The following PHKA2 variants were observed in gnomAD, a reference collection of about 807,000 sequenced individuals.
PHKA2 encodes phosphorylase kinase regulatory subunit alpha 2.
A neutral mutation model predicts 102.0 loss-of-function variants in PHKA2; 31 were observed. The observed-to-expected ratio is 0.30, with a 90% CI of 0.23 to 0.41. The LOEUF (loss-of-function observed/expected upper bound fraction) is 0.41. PHKA2 is among the 10% of genes least tolerant of loss of function. The pLI, the probability that PHKA2 is intolerant of heterozygous loss-of-function variation, is 1.00. For synonymous variants in PHKA2, 455 were observed against 416.2 expected (o/e 1.09, Z -1.13); for missense variants, 858 against 1,023.1 (o/e 0.84, Z 2.20).
At chrX:18,910,362 C>G (rs2047901973) in intron 20 of PHKA2, among the ~76,000 whole-genome samples, 1 of 111,721 alleles carries the variant, frequency 9.0e-6, no homozygotes, top group Non-Finnish European at 1.9e-5. Context: ...CGCTGGTAGT[C>G]CCAACTATTT....
intron 10 of PHKA2, among the ~76,000 whole-genome samples, chrX:18,938,045 G>A (rs1346816691): frequency 2.7e-5 from 3 of 112,544 alleles, no homozygotes; most frequent in Non-Finnish European, 5.6e-5. Flanking sequence ...ACGCCTCCTA[G>A]TACTCATGCC....
intron 1 of PHKA2, among the ~76,000 whole-genome samples, chrX:18,976,317 A>G (rs946478580): frequency 8.9e-6 from 1 of 112,025 alleles, no homozygotes; most frequent in Non-Finnish European, 1.9e-5. Context: ...ATCAATCTCT[A>G]AATGTTCCTT....
At chrX:18,962,274 G>C (rs2048881613) in intron 1 of PHKA2, among the ~76,000 whole-genome samples, 1 of 111,259 alleles carries the variant, frequency 9.0e-6, no homozygotes, top group Non-Finnish European at 1.9e-5. Context: ...TGCGTGCATG[G>C]GCATGGAGGG....
intron 1 of PHKA2, among the ~76,000 whole-genome samples, chrX:18,977,260 T>A (rs1262867311): frequency 1.8e-5 from 2 of 111,871 alleles, no homozygotes; most frequent in African/African-American, 6.6e-5. Flanking sequence ...CAAAAAAAAA[T>A]GTGGCATGCA....
At chrX:18,900,791 G>C in intron 27 of PHKA2, 92 bp from the exon 28 acceptor site, 2 of 830,492 alleles carry the variant, frequency 2.4e-6, no homozygotes, top group Admixed American at 4.5e-5. Context: ...CCAGGGCCGT[G>C]TTGGTCAAAC....
intron 1 of PHKA2, among the ~76,000 whole-genome samples, chrX:18,971,304 T>G (rs1181214955): frequency 6.2e-5 from 7 of 112,432 alleles, no homozygotes; most frequent in Non-Finnish European, 9.4e-5. Flanking sequence ...TGCTTTACTT[T>G]CTCAGATTGC....
chrX:18,901,271 C>T (rs764164891), intron 27 of PHKA2, among the ~76,000 whole-genome samples: 2 of 110,996 alleles, frequency 1.8e-5, no homozygotes, highest in East Asian at 2.8e-4. Context: ...GAGAACATCA[C>T]GTTAAGGTTA....
At chrX:18,945,346 G>T (rs1278273284) in intron 5 of PHKA2, among the ~76,000 whole-genome samples, 188 bp from the exon 6 acceptor site, 1 of 111,679 alleles carries the variant, frequency 9.0e-6, no homozygotes, top group African/African-American at 3.3e-5. Flanking sequence ...AATTTTAGAA[G>T]AAAATATTCA....
At chrX:18,966,920 G>A (rs917377547) in intron 1 of PHKA2, among the ~76,000 whole-genome samples, 20 of 111,827 alleles carry the variant, frequency 1.8e-4, no homozygotes, top group Admixed American at 1.9e-4. Flanking sequence ...ACTGCAGGAG[G>A]AGGGACGGCG....
chrX:18,895,069 G>T, intron 31 of PHKA2, 69 bp downstream of exon 31: 1 of 991,905 alleles, frequency 1.0e-6, no homozygotes, highest in Non-Finnish European at 1.4e-6. Context: ...CAAGAGGTCA[G>T]AGTCCATGCA....
Position 18,953,581 on chromosome X carries a change from T to C in PHKA2, c.237+673A>G, listed in dbSNP as rs147955097. 4.8e-3 allele frequency among the ~76,000 whole-genome samples: 541 copies of C among 112,388 alleles called. 2 individuals are homozygous for C. The highest frequency in any genetic ancestry group is 7.8e-3 in the Non-Finnish European group (415 of 53,287). On this transcript the variant is annotated intron_variant, in intron 2 of 32. Coordinates refer to ENST00000379942, the MANE Select transcript of PHKA2 (RefSeq NM_000292.3). Reference sequence around the variant, plus strand: ...ATGTGAAGCTGTGGTGAGGTGACTTTTAAAAAACATATCAGTTTATGATGA... The same window carrying C: ...ATGTGAAGCTGTGGTGAGGTGACTTCTAAAAAACATATCAGTTTATGATGA...
chrX:18,980,729 C>T (rs1465543862), intron 1 of PHKA2, among the ~76,000 whole-genome samples: 7 of 111,608 alleles, frequency 6.3e-5, no homozygotes, highest in Non-Finnish European at 1.1e-4. Context: ...GTATGCTGAG[C>T]GCCGGTCTCC....
chrX:18,930,847 T>C (rs1279437419), intron 12 of PHKA2, among the ~76,000 whole-genome samples: 2 of 110,147 alleles, frequency 1.8e-5, no homozygotes, highest in Non-Finnish European at 3.8e-5. Flanking sequence ...GCTTCAACAC[T>C]CTAGGAACCC....
Position 18,892,406 on chromosome X carries a change from G to T in PHKA2, c.*1079C>A, listed in dbSNP as rs934521564. The T allele has an allele frequency of 6.2e-5, 7 of 112,722 alleles. No individual in the cohort carries two copies. The highest frequency in any genetic ancestry group is 3.7e-5 in the Non-Finnish European group (2 of 53,345). 9.3% of individuals were successfully genotyped at this position (112,722 alleles called of 1,213,427 possible). A position where few individuals can be genotyped will look rare whatever the true frequency, so the allele number is the denominator to read the frequency against. On this transcript the variant is annotated 3_prime_UTR_variant, in exon 33 of 33. Coordinates refer to ENST00000379942, the MANE Select transcript of PHKA2 (RefSeq NM_000292.3). ...CCCGGAGAGAAACTCCATTGCTAGG[G>T]CATTGGCAAAAGATTTGCCAGACCC... is the stretch of plus-strand genomic sequence containing the variant.
intron 30 of PHKA2, chrX:18,896,313 G>A (rs2047552409): frequency 9.0e-6 from 1 of 110,527 alleles, no homozygotes; most frequent in African/African-American, 3.3e-5. Context: ...GGGAGACACT[G>A]GGGGGGTACA....
At chrX:18,923,975 T>C (rs2048167479) in intron 17 of PHKA2, 81 bp downstream of exon 17, 1 of 685,258 alleles carries the variant, frequency 1.5e-6, no homozygotes, top group East Asian at 3.2e-5. Flanking sequence ...ACAATTAATA[T>C]GAAAAATGGG....
intron 17 of PHKA2, among the ~76,000 whole-genome samples, chrX:18,920,611 TA>T (rs1363995932): frequency 8.9e-6 from 1 of 112,091 alleles, no homozygotes; most frequent in African/African-American, 3.2e-5. Flanking sequence ...TTCCATTATT[TA>T]TGAGTCCCTA....
chrX:18,939,250 A>G (rs1321035670), intron 9 of PHKA2, among the ~76,000 whole-genome samples: 1 of 111,574 alleles, frequency 9.0e-6, no homozygotes, highest in Non-Finnish European at 1.9e-5. Context: ...ATCTCTGCTC[A>G]TTGCAGCCTT....
At chrX:18,976,009 CTG>C (rs1241609356) in intron 1 of PHKA2, among the ~76,000 whole-genome samples, 4 of 84,980 alleles carry the variant, frequency 4.7e-5, no homozygotes, top group Admixed American at 1.5e-4. Context: ...AAGTCTCACT[CTG>C]TCGCTCAGAC....
Sources: allele counts gnomAD v4.1 joint callset (sites outside exome capture counted in the v4.1 genomes callset), GRCh38; gene constraint gnomAD v4.1.1; transcripts MANE v1.5; gene names NCBI Gene and HGNC (gene_info 2026-07-23, HGNC 2026-07-21).